The following ZNF521 variants were observed in gnomAD, a reference collection of about 807,000 sequenced individuals.
ZNF521 encodes the protein LYST-interacting protein 3.
Under a neutral mutation model 105.5 loss-of-function variants are expected in ZNF521, and 14 were observed. The observed-to-expected ratio is 0.13, with a 90% CI of 0.09 to 0.21. The LOEUF is 0.21. ZNF521 is among the 10% of genes least tolerant of loss of function. The pLI, the probability that ZNF521 is intolerant of heterozygous loss-of-function variation, is 1.00. For synonymous variants in ZNF521, 635 were observed against 606.0 expected (o/e 1.05, Z -0.70); for missense variants, 1,233 against 1,629.7 (o/e 0.76, Z 4.19).
intron 5 of ZNF521, among the ~76,000 whole-genome samples, chr18:25,103,681 C>T (rs2034012326): frequency 6.6e-6 from 1 of 151,874 alleles, no homozygotes; most frequent in Non-Finnish European, 1.5e-5. Context: ...ATTTCTAGTT[C>T]CTTCTGCTGT....
At chr18:25,287,119 A>G (rs1443150373) in intron 3 of ZNF521, among the ~76,000 whole-genome samples, 1 of 152,186 alleles carries the variant, frequency 6.6e-6, no homozygotes, top group Non-Finnish European at 1.5e-5. Flanking sequence ...GAATATCCTC[A>G]AAGAACAAAG....
intron 7 of ZNF521, among the ~76,000 whole-genome samples, chr18:25,081,766 C>T (rs184890086): frequency 7.9e-4 from 121 of 152,296 alleles, no homozygotes; most frequent in African/African-American, 2.8e-3. Flanking sequence ...TACCTTTAGA[C>T]GCATTATGAA....
At chr18:25,088,175 TTAATAA>T (rs111538998) in intron 7 of ZNF521, among the ~76,000 whole-genome samples, 15 of 152,266 alleles carry the variant, frequency 9.9e-5, no homozygotes, top group Admixed American at 5.9e-4. Flanking sequence ...ACCTGTGTTG[TTAATAA>T]TAATACTCAT....
intron 2 of ZNF521, among the ~76,000 whole-genome samples, chr18:25,329,281 A>C (rs1913412613): frequency 8.9e-6 from 1 of 112,618 alleles, no homozygotes; most frequent in South Asian, 2.4e-4. Flanking sequence ...TTGTCCATTT[A>C]CCCAAGTTTG....
In ZNF521 at chr18:25,062,014, A is replaced by G. The variant is rs1045497185; in HGVS notation, c.*698T>C. The G allele has an allele frequency of 1.6e-5, 3 of 191,116 alleles. No homozygotes were observed. Among genetic ancestry groups the G allele is most frequent in the African/African-American group, 2.3e-5 (1 of 43,028 alleles). 11.8% of individuals were successfully genotyped at this position (191,116 alleles called of 1,614,324 possible). On this transcript the variant is annotated 3_prime_UTR_variant, in exon 8 of 8. Transcript: ENST00000361524. The stretch of plus-strand genomic sequence containing the variant: ...CAGAGTAAACATTAATAACAGTAAC[A>G]TACAGGTTAGTTCAACTGATTCAAG...
chr18:25,202,958 G>A (rs887788923), intron 4 of ZNF521: 1 of 152,116 alleles, frequency 6.6e-6, no homozygotes, highest in Non-Finnish European at 1.5e-5. Context: ...ACAGTTAAAA[G>A]GATGCTATTG....
At chr18:25,199,545 T>C (rs1245242568) in intron 4 of ZNF521, among the ~76,000 whole-genome samples, 1 of 152,016 alleles carries the variant, frequency 6.6e-6, no homozygotes, top group African/African-American at 2.4e-5. Flanking sequence ...AGATGCATAC[T>C]GAGTATTTAG....
At chr18:25,309,812 C>T (rs896009839) in intron 3 of ZNF521, among the ~76,000 whole-genome samples, 2 of 152,030 alleles carry the variant, frequency 1.3e-5, no homozygotes, top group African/African-American at 2.4e-5. Context: ...TAAAGGCAAT[C>T]TGAGTAATAA....
At position 25,225,744 on chromosome 18, in the gene ZNF521, G is replaced by A. The variant is rs1378764218; in HGVS notation, c.2174C>T (p.Thr725Ile). Residue 725 changes from threonine (T) to isoleucine (I), a missense_variant, in exon 4 of 8, where the codon ACC becomes ATC. By Grantham distance (89) the Thr-to-Ile change is moderately conservative. Transcript: ENST00000361524. This position sits in a 1 kb window ranked among gnomAD's most constrained non-coding sequence, Gnocchi z 5.6. ...TGAGTCAAAAACTTCCTGGCAGAGG[G>A]TGCAGCGAAAGAAGACAAAGGTGTG... ...DMHTFVFFRCTLCQEVFDSKV... is the reference protein window; with the variant it reads ...DMHTFVFFRCILCQEVFDSKV... 4 of 1,614,226 alleles carry A rather than the reference G, an allele frequency of 2.5e-6. No homozygotes were observed. The highest frequency in any genetic ancestry group is 3.4e-6 in the Non-Finnish European group (4 of 1,180,030).
intron 4 of ZNF521, among the ~76,000 whole-genome samples, chr18:25,209,920 T>G (rs1042721064): frequency 6.6e-6 from 1 of 152,182 alleles, no homozygotes; most frequent in Non-Finnish European, 1.5e-5. Flanking sequence ...TAAGTTTGAT[T>G]TTAAGACTAA....
At chr18:25,136,396 CAAT>C (rs1411117063) in intron 5 of ZNF521, among the ~76,000 whole-genome samples, 3 of 152,114 alleles carry the variant, frequency 2.0e-5, no homozygotes, top group Admixed American at 2.0e-4. Context: ...AAAAACACAA[CAAT>C]AATAACAACA....
chr18:25,083,648 T>C (rs1019111079), intron 7 of ZNF521, among the ~76,000 whole-genome samples: 2 of 152,214 alleles, frequency 1.3e-5, no homozygotes, highest in Non-Finnish European at 2.9e-5. Flanking sequence ...TATCTTCTCT[T>C]TCCTAGTAGA....
At chr18:25,261,091 G>A (rs1344058098) in intron 3 of ZNF521, among the ~76,000 whole-genome samples, 2 of 152,080 alleles carry the variant, frequency 1.3e-5, no homozygotes, top group Admixed American at 6.6e-5. Context: ...AGTATGAACC[G>A]GAGGGTCTGA....
At chr18:25,097,901 C>T (rs1348196192) in intron 5 of ZNF521, among the ~76,000 whole-genome samples, 1 of 152,120 alleles carries the variant, frequency 6.6e-6, no homozygotes, top group Admixed American at 6.6e-5. Flanking sequence ...TTGAACTTCT[C>T]ATTATCAGCA....
At chr18:25,232,898 C>T (rs1006583855) in intron 3 of ZNF521, among the ~76,000 whole-genome samples, 2 of 152,224 alleles carry the variant, frequency 1.3e-5, no homozygotes, top group African/African-American at 2.4e-5. Flanking sequence ...TTTACTTCTG[C>T]CAGCAGGCTA....
intron 5 of ZNF521, among the ~76,000 whole-genome samples, chr18:25,150,634 C>T (rs1292342098): frequency 6.6e-6 from 1 of 152,004 alleles, no homozygotes; most frequent in Non-Finnish European, 1.5e-5. Context: ...GACTTTTTTC[C>T]ATGTGGACTA....
chr18:25,146,711 A>T (rs2034951230), intron 5 of ZNF521, among the ~76,000 whole-genome samples: 1 of 151,902 alleles, frequency 6.6e-6, no homozygotes, highest in South Asian at 2.1e-4. Flanking sequence ...TTCCCTAACC[A>T]AAAAACAGTG....
At chr18:25,325,992 C>T (rs1913194898) in intron 2 of ZNF521, among the ~76,000 whole-genome samples, 3 of 152,100 alleles carry the variant, frequency 2.0e-5, no homozygotes, top group African/African-American at 4.8e-5. Context: ...TGAAAAATTG[C>T]ACTGGCTTAA....
chr18:25,091,282 G>C (rs1251646967), intron 6 of ZNF521, among the ~76,000 whole-genome samples: 2 of 152,026 alleles, frequency 1.3e-5, no homozygotes, highest in Non-Finnish European at 2.9e-5. Context: ...CCACAAATAT[G>C]TGTGATCATA....
Sources: allele counts gnomAD v4.1 joint callset (sites outside exome capture counted in the v4.1 genomes callset), GRCh38; gene constraint gnomAD v4.1.1; non-coding constraint Gnocchi (gnomAD v3.1); transcripts MANE v1.5; gene names NCBI Gene and HGNC (gene_info 2026-07-23, HGNC 2026-07-21).